The following TGIF1 variants were observed in gnomAD, a reference collection of about 807,000 sequenced individuals.
TGIF1 encodes TGFB induced factor homeobox 1, also known as homeobox protein TGIF1.
TGIF1 carries 4 observed loss-of-function variants against 19.3 expected under a neutral mutation model. That is an observed-to-expected ratio of 0.21 (90% CI 0.10 to 0.47). The LOEUF is 0.47. TGIF1 is among the 20% of genes least tolerant of loss of function. The probability of loss-of-function intolerance (pLI) is 0.98; values close to 1 mark genes in which losing one functional copy is unlikely to be tolerated. For synonymous variants in TGIF1, 122 were observed against 129.3 expected (o/e 0.94, Z 0.38); for missense variants, 275 against 341.4 (o/e 0.81, Z 1.53).
At chr18:3,437,628 A>C (rs2082630795) in intron 2 of TGIF1, among the ~76,000 whole-genome samples, 1 of 152,174 alleles carries the variant, frequency 6.6e-6, no homozygotes, top group Non-Finnish European at 1.5e-5. Flanking sequence ...GTTATTTGTT[A>C]ATTGTATTTC....
chr18:3,459,374 T>C lies in TGIF1; in HGVS notation c.*1434T>C, dbSNP rs985935023. 6.6e-6 allele frequency: 1 copy of C among 152,132 alleles called. No homozygotes were observed. The highest frequency in any genetic ancestry group is 1.5e-5 in the Non-Finnish European group (1 of 68,030). The allele number at this position is 152,132 out of a possible 1,614,324, so 9.4% of individuals were successfully genotyped here. On this transcript the variant is annotated 3_prime_UTR_variant, in exon 3 of 3. Transcript: ENST00000343820. ...CTTGTAAGTGAAAGAAAAAAACTGC[T>C]GATGATTACCAAGAGGCGTAAGAAA... is the stretch of plus-strand genomic sequence containing the variant.
upstream of TGIF1, chr18:3,448,740 AG>A (rs1394461387): frequency 5.0e-4 from 157 of 316,142 alleles, no homozygotes; most frequent in African/African-American, 0.013. Context: ...TTTTTTTTTG[AG>A]GGAGGGTGGC....
chr18:3,436,990 A>G lies in TGIF1; in HGVS notation c.-45+18775A>G, dbSNP rs561073501. On this transcript the variant is annotated intron_variant, in intron 2 of 3. Transcript: ENST00000401449. The stretch of plus-strand genomic sequence containing the variant: ...CCTGGTGGCTCATGCCTGTAATCCC[A>G]GCTACTCGGGAGGCTGAGGCACGAG... Among the ~76,000 whole-genome samples the G allele has an allele frequency of 2.3e-3, 345 of 152,086 alleles. 1 individual carries two copies. The highest frequency in any genetic ancestry group is 4.5e-3 in the Non-Finnish European group (303 of 67,998).
chr18:3,440,038 A>G (rs2143232050), intron 2 of TGIF1, among the ~76,000 whole-genome samples: 1 of 151,532 alleles, frequency 6.6e-6, no homozygotes, highest in East Asian at 1.9e-4. Flanking sequence ...AAAAAAAAAA[A>G]GTACTGATTT....
chr18:3,455,859 T>C (rs1279992015), intron 1 of TGIF1: 2 of 181,218 alleles, frequency 1.1e-5, no homozygotes, highest in Non-Finnish European at 2.4e-5. Flanking sequence ...AATGTACGAG[T>C]GCTCCCTTTC....
Position 3,450,514 on chromosome 18 carries a change from G to A in TGIF1, c.16+9G>A, listed in dbSNP as rs770843707. ...AATGAAAGGCAAGAAAGGTAAGGCG[G>A]CCGCGGGCTGCGCGCACCAGAAGAC... is the stretch of plus-strand genomic sequence containing the variant. On this transcript the variant is annotated intron_variant, in intron 1 of 2. Coordinates refer to ENST00000343820, the MANE Select transcript of TGIF1 (RefSeq NM_003244.4). 8 of 1,560,504 alleles carry A rather than the reference G, an allele frequency of 5.1e-6. No homozygotes were observed. The highest frequency in any genetic ancestry group is 3.8e-5 in the Admixed American group (2 of 52,114).
At chr18:3,423,700 TA>T (rs2082436073) in intron 2 of TGIF1, among the ~76,000 whole-genome samples, 1 of 151,304 alleles carries the variant, frequency 6.6e-6, no homozygotes, top group Admixed American at 6.6e-5. Flanking sequence ...AAAAGAGTTT[TA>T]AAAATTAGCC....
At chr18:3,448,761 C>T (rs1429052765), upstream of TGIF1, among the ~76,000 whole-genome samples, 12 of 127,338 alleles carry the variant, frequency 9.4e-5, no homozygotes, top group Non-Finnish European at 1.5e-5. Context: ...CAGGCTAGCT[C>T]TAGTTCCTGA....
At chr18:3,450,594 A>G in intron 1 of TGIF1, 89 bp downstream of exon 1, 1 of 1,547,034 alleles carries the variant, frequency 6.5e-7, no homozygotes, top group African/African-American at 1.4e-5. Context: ...CACTTGGTGG[A>G]CTTTTCCGCC....
At chr18:3,442,947 T>G (rs1174059666) in intron 2 of TGIF1, among the ~76,000 whole-genome samples, 1 of 152,178 alleles carries the variant, frequency 6.6e-6, no homozygotes, top group East Asian at 1.9e-4. Flanking sequence ...CTCACATAAC[T>G]TTGGTGAGAT....
chr18:3,431,366 G>A (rs2082544585), intron 2 of TGIF1, among the ~76,000 whole-genome samples: 1 of 152,192 alleles, frequency 6.6e-6, no homozygotes, highest in Admixed American at 6.5e-5. Flanking sequence ...AACCCGGGAG[G>A]TGGAGGTCGT....
intron 2 of TGIF1, among the ~76,000 whole-genome samples, chr18:3,430,360 A>G (rs1168947561): frequency 6.6e-6 from 1 of 152,174 alleles, no homozygotes; most frequent in Non-Finnish European, 1.5e-5. Context: ...TTCTTTCTAT[A>G]TTTTTATTTG....
In TGIF1 at chr18:3,456,795, G is replaced by A. The variant is rs1276638695; in HGVS notation, c.243+215G>A. On this transcript the variant is annotated intron_variant, in intron 2 of 2. Transcript: ENST00000343820. This position sits in a 1 kb window ranked among gnomAD's most constrained non-coding sequence, Gnocchi z 4.2. ...TCTATCAGATAGCATTTCCTTTAAT[G>A]CCTAAAAGAACCTTCCTTTATGCAA... 8 of 662,948 alleles carry A rather than the reference G, an allele frequency of 1.2e-5. No individual in the cohort carries two copies. The highest frequency in any genetic ancestry group is 1.9e-5 in the Non-Finnish European group (7 of 369,862). 41.1% of individuals were successfully genotyped at this position (662,948 alleles called of 1,614,324 possible).
At chr18:3,429,560 G>A (rs1294440780) in intron 2 of TGIF1, among the ~76,000 whole-genome samples, 1 of 152,080 alleles carries the variant, frequency 6.6e-6, no homozygotes, top group Non-Finnish European at 1.5e-5. Context: ...GGGCTTTACC[G>A]AATCGAGTCA....
At chr18:3,440,116 T>C (rs2082663600) in intron 2 of TGIF1, among the ~76,000 whole-genome samples, 1 of 151,964 alleles carries the variant, frequency 6.6e-6, no homozygotes, top group East Asian at 1.9e-4. Context: ...TTTGGGAGGC[T>C]GAGGAGAGCA....
intron 2 of TGIF1, among the ~76,000 whole-genome samples, chr18:3,427,786 G>GA (rs1258990655): frequency 6.6e-6 from 1 of 151,864 alleles, no homozygotes; most frequent in Non-Finnish European, 1.5e-5. Flanking sequence ...TTTTAGTGGA[G>GA]ACAGGATTTC....
upstream of TGIF1, chr18:3,449,419 T>C: frequency 2.0e-6 from 2 of 985,386 alleles, no homozygotes; most frequent in Middle Eastern, 5.2e-4. Flanking sequence ...AAAGAGCATG[T>C]GAGCGTGACA....
intron 1 of TGIF1, chr18:3,452,455 C>G (rs1355780307): frequency 2.5e-6 from 4 of 1,602,546 alleles, no homozygotes; most frequent in Non-Finnish European, 3.4e-6. Context: ...CGAGGTTACC[C>G]GGGTTTCTTT....
At position 3,457,941 on chromosome 18, in the gene TGIF1, C is replaced by G; in HGVS notation, c.*1C>G. 1.3e-6 allele frequency: 2 copies of G among 1,599,880 alleles called. No homozygotes were observed. The highest frequency in any genetic ancestry group is 1.7e-6 in the Non-Finnish European group (2 of 1,179,816). The stretch of plus-strand genomic sequence containing the variant: ...GCTTCAGGCAAAACTTACAGCTTAA[C>G]CCATTTTCAAGCAAAACAGTTCTCA... On this transcript the variant is annotated 3_prime_UTR_variant, in exon 3 of 3. Coordinates refer to ENST00000343820, the MANE Select transcript of TGIF1 (RefSeq NM_003244.4). The surrounding 1 kb of genome is among the most constrained non-coding windows in gnomAD (Gnocchi z 4.9).
Sources: gnomAD v4.1 joint callset for allele counts (sites outside exome capture counted in the v4.1 genomes callset) on GRCh38, gnomAD v4.1.1 for gene constraint, Gnocchi (gnomAD v3.1) non-coding constraint, MANE v1.5 for transcripts, NCBI Gene and HGNC (gene_info 2026-07-23, HGNC 2026-07-21) for gene names.